Variants in FBXO7 observed in about 807,000 individuals in gnomAD.
FBXO7 encodes F-box protein 7, also known as F-box only protein 7.
Under a neutral mutation model 50.2 loss-of-function variants are expected in FBXO7, and 31 were observed. The observed-to-expected ratio is 0.62, with a 90% confidence interval of 0.46 to 0.83. FBXO7 has a LOEUF of 0.83. Among genes scored for constraint, FBXO7 ranks in the 40% least tolerant of loss-of-function variants. The pLI is 0.00. For synonymous variants in FBXO7, 256 were observed against 253.1 expected (o/e 1.01, Z -0.11); for missense variants, 667 against 646.6 (o/e 1.03, Z -0.34).
At chr22:32,488,089 AT>A (rs1406507328) in intron 5 of FBXO7, 10 of 380,820 alleles carry the variant, frequency 2.6e-5, no homozygotes, top group African/African-American at 2.1e-4. Flanking sequence ...CTAGTATGTA[AT>A]TTATTACACT....
chr22:32,483,926 G>A lies in FBXO7; in HGVS notation c.447G>A (p.Glu149=), dbSNP rs1012166328. 9.3e-6 allele frequency: 15 copies of A among 1,613,998 alleles called. No homozygotes were observed. The highest frequency in any genetic ancestry group is 2.2e-5 in the East Asian group (1 of 44,896). The change falls in exon 3 of 9, where the codon GAG becomes GAA. Residue 149 remains glutamate (E), a synonymous_variant. Transcript: ENST00000266087. ...GGCCTAGTCAAAATTTTGAAGCTGA[G>A]TCAATTCAAGATAATGCGCATATGG... is the stretch of plus-strand genomic sequence containing the variant. ...MLGPSQNFEA[E]SIQDNAHMAE... is the part of the protein sequence containing the mutation.
intron 6 of FBXO7, 57 bp downstream of exon 6, chr22:32,491,238 T>A: frequency 7.8e-7 from 1 of 1,283,794 alleles, no homozygotes; most frequent in Non-Finnish European, 1.1e-6. Context: ...TAAGTATACT[T>A]AATATTCTTG....
chr22:32,495,635 GT>G, intron 8 of FBXO7, 105 bp downstream of exon 8: 1 of 502,956 alleles, frequency 2.0e-6, no homozygotes, highest in East Asian at 3.3e-5. Flanking sequence ...AGTGAAATCT[GT>G]TTTAATTTAT....
intron 4 of FBXO7, among the ~76,000 whole-genome samples, chr22:32,486,445 T>C (rs1016936503): frequency 6.6e-6 from 1 of 152,066 alleles, no homozygotes; most frequent in Admixed American, 6.5e-5. Context: ...GCAGTCTTCC[T>C]CCTTGGCCTC....
chr22:32,484,723 G>T (rs1382063265), intron 3 of FBXO7, among the ~76,000 whole-genome samples: 1 of 152,164 alleles, frequency 6.6e-6, no homozygotes, highest in Non-Finnish European at 1.5e-5. Context: ...CTTTGAAAAA[G>T]GCTTTACGGA....
intron 5 of FBXO7, chr22:32,488,726 C>T (rs2057515269): frequency 6.6e-6 from 1 of 152,160 alleles, no homozygotes; most frequent in Non-Finnish European, 1.5e-5. Flanking sequence ...CTTATACTAA[C>T]TAAAACTGAC....
chr22:32,487,738 T>C lies in FBXO7; in HGVS notation c.788-7T>C. On this transcript the variant is annotated splice_region_variant and splice_polypyrimidine_tract_variant and intron_variant, in intron 4 of 8. Transcript: ENST00000266087. Reference sequence around the variant, plus strand: ...TTCTTTATCATCTTTCTTTTGTTTATTTACAGCTACACTAAAAATCAACAA... The same window carrying C: ...TTCTTTATCATCTTTCTTTTGTTTACTTACAGCTACACTAAAAATCAACAA... 1 of 1,581,502 alleles carries C rather than the reference T, an allele frequency of 6.3e-7. No homozygotes were observed. Among genetic ancestry groups the C allele is most frequent in the Non-Finnish European group, 8.7e-7 (1 of 1,151,672 alleles).
At chr22:32,495,679 C>G (rs1184931696) in intron 8 of FBXO7, 149 bp downstream of exon 8, 25 of 450,060 alleles carry the variant, frequency 5.6e-5, no homozygotes, top group Non-Finnish European at 9.8e-5. Context: ...ATGTTTTCAA[C>G]TTTTACTTTA....
chr22:32,483,939 A>T lies in FBXO7; in HGVS notation c.460A>T (p.Asn154Tyr). Residue 154 changes from asparagine to tyrosine, a missense_variant, in exon 3 of 9, where the codon AAT becomes TAT. Transcript: ENST00000266087. ...QNFEAESIQD[N>Y]AHMAEGTGFY... ...TTTTGAAGCTGAGTCAATTCAAGAT[A>T]ATGCGCATATGGCAGAGGGCACAGG... The T allele has an allele frequency of 6.2e-7, 1 of 1,614,188 alleles. No individual in the cohort carries two copies. The highest frequency in any genetic ancestry group is 8.5e-7 in the Non-Finnish European group (1 of 1,180,016).
At chr22:32,479,585 C>T (rs147501574) in intron 2 of FBXO7, among the ~76,000 whole-genome samples, 2,849 of 151,852 alleles carry the variant, frequency 0.019, 79 homozygotes, top group African/African-American at 0.063. Context: ...TTAGTAGAGA[C>T]GGGGTTTCAG....
chr22:32,487,747 A>G lies in FBXO7; in HGVS notation c.790A>G (p.Thr264Ala). The change falls in exon 5 of 9, where the codon ACA becomes GCA. Residue 264 changes from threonine (T) to alanine (A), a missense_variant and splice_region_variant. Coordinates refer to ENST00000266087, the MANE Select transcript of FBXO7 (RefSeq NM_012179.4). Reference protein sequence around the residue: ...PLGNLIVVNATLKINNEIRSV... With the variant: ...PLGNLIVVNAALKINNEIRSV... ...ATCTTTCTTTTGTTTATTTACAGCT[A>G]CACTAAAAATCAACAATGAGATTAG... 6.3e-7 allele frequency: 1 copy of G among 1,593,550 alleles called. No homozygotes were observed. The highest frequency in any genetic ancestry group is 8.6e-7 in the Non-Finnish European group (1 of 1,162,188).
At position 32,479,244 on chromosome 22, in the gene FBXO7, C is replaced by T. The variant is rs1200382267; in HGVS notation, c.386C>T (p.Ala129Val). The change falls in exon 2 of 9, where the codon GCC (alanine) becomes GTC (valine). Residue 129 changes from alanine (A) to valine (V), a missense_variant. Physicochemically the swap from Ala to Val is moderately conservative, Grantham distance 64. Coordinates refer to ENST00000266087, the MANE Select transcript of FBXO7 (RefSeq NM_012179.4). ...AGTGATTCATTCCAAGGACAGGCAG[C>T]CCAGTCTGGTGTTTGGAATGACGAC... ...QPSDSFQGQA[A>V]QSGVWNDDSM... 1.2e-6 allele frequency: 2 copies of T among 1,614,050 alleles called. No individual in the cohort carries two copies. The highest frequency in any genetic ancestry group is 1.7e-6 in the Non-Finnish European group (2 of 1,180,022).
Position 32,498,654 on chromosome 22 carries a change from G to T in FBXO7, c.*124G>T. 2 of 1,187,744 alleles carry T rather than the reference G, an allele frequency of 1.7e-6. No homozygotes were observed. The highest frequency in any genetic ancestry group is 2.4e-6 in the Non-Finnish European group (2 of 832,546). The allele number at this position is 1,187,744 out of a possible 1,614,324, so 73.6% of individuals were successfully genotyped here. Reference sequence around the variant, plus strand: ...TGTGGTGTTGAGAGTTGCACTCCCAGAAACCTTTTAAGAGATACATTTATA... The same window carrying T: ...TGTGGTGTTGAGAGTTGCACTCCCATAAACCTTTTAAGAGATACATTTATA... On this transcript the variant is annotated 3_prime_UTR_variant, in exon 9 of 9. Coordinates refer to ENST00000266087, the MANE Select transcript of FBXO7 (RefSeq NM_012179.4).
intron 4 of FBXO7, 22 bp downstream of exon 4, chr22:32,485,231 G>T (rs773061837): frequency 1.2e-6 from 2 of 1,613,840 alleles, no homozygotes; most frequent in African/African-American, 2.7e-5. Flanking sequence ...GCATAGTCAT[G>T]GTTGCTGGTT....
chr22:32,475,357 A>C, intron 1 of FBXO7: 1 of 1,609,396 alleles, frequency 6.2e-7, no homozygotes, highest in Non-Finnish European at 8.5e-7. Context: ...CGGCTCCTGG[A>C]GAACATGGCC....
Position 32,479,125 on chromosome 22 carries a change from AT to A in FBXO7, c.268del (p.Ser90ProfsTer51). 6.2e-7 allele frequency: 1 copy of A among 1,614,172 alleles called. No homozygotes were observed. Among genetic ancestry groups the A allele is most frequent in the Non-Finnish European group, 8.5e-7 (1 of 1,180,028 alleles). ...DDIPAPNIPS[S>X]TDSEHSSLQN... ...ACATTCCAGCGCCTAATATACCTTC[AT>A]CCACAGATTCAGAGCATTCTTCACT... On this transcript the variant is annotated frameshift_variant, in exon 2 of 9. Coordinates refer to ENST00000266087, the MANE Select transcript of FBXO7 (RefSeq NM_012179.4). LOFTEE classifies it high-confidence loss of function.
intron 2 of FBXO7, among the ~76,000 whole-genome samples, chr22:32,479,620 C>T (rs568761341): frequency 9.2e-5 from 14 of 152,208 alleles, no homozygotes; most frequent in African/African-American, 2.9e-4. Flanking sequence ...TGGTCTCGAT[C>T]TCTTGACCTC....
chr22:32,478,529 G>A (rs1432158593), intron 1 of FBXO7, among the ~76,000 whole-genome samples: 2 of 152,136 alleles, frequency 1.3e-5, no homozygotes, highest in Non-Finnish European at 2.9e-5. Flanking sequence ...CTATAGATTA[G>A]GCATTCATTG....
In FBXO7 at chr22:32,487,774, A is replaced by G; in HGVS notation, c.817A>G (p.Ser273Gly). Residue 273 changes from serine (S) to glycine (G), a missense_variant, in exon 5 of 9, where the codon AGT becomes GGT. Physicochemically the swap from Ser to Gly is moderately conservative, Grantham distance 56 (BLOSUM62 0). Coordinates refer to ENST00000266087, the MANE Select transcript of FBXO7 (RefSeq NM_012179.4). ...ACTAAAAATCAACAATGAGATTAGA[A>G]GTGTGAAAAGATTGCAGCTGCTACC... ...ATLKINNEIRSVKRLQLLPES... is the reference protein window; with the variant it reads ...ATLKINNEIRGVKRLQLLPES... The G allele has an allele frequency of 1.2e-6, 2 of 1,609,716 alleles. No individual in the cohort carries two copies. The highest frequency in any genetic ancestry group is 1.7e-6 in the Non-Finnish European group (2 of 1,176,524).
Sources: allele counts gnomAD v4.1 joint callset (sites outside exome capture counted in the v4.1 genomes callset), GRCh38; gene constraint gnomAD v4.1.1; transcripts MANE v1.5; gene names NCBI Gene and HGNC (gene_info 2026-07-23, HGNC 2026-07-21).